The following MAN1A2 variants were observed in gnomAD, a reference collection of about 807,000 sequenced individuals.
MAN1A2 encodes the protein mannosidase alpha class 1A member 2, also known as mannosyl-oligosaccharide 1,2-alpha-mannosidase IB.
In MAN1A2, 26 loss-of-function variants were observed where a neutral mutation model predicts 75.7. That is an observed-to-expected ratio of 0.34 (90% CI 0.25 to 0.48). MAN1A2 has a LOEUF of 0.48. MAN1A2 is among the 20% of genes least tolerant of loss of function. The pLI is 0.99. For missense variants in MAN1A2, 562 were observed against 775.5 expected (o/e 0.72, Z 3.27); for synonymous variants, 247 against 264.6 (o/e 0.93, Z 0.65).
chr1:117,514,714 GGA>G (rs1478099488), intron 12 of MAN1A2: 2 of 440,130 alleles, frequency 4.5e-6, no homozygotes, highest in African/African-American at 4.1e-5. Context: ...AATATATTTT[GGA>G]GAGAGAGAAT....
chr1:117,496,899 G>A lies in MAN1A2; in HGVS notation c.1421G>A (p.Gly474Asp), dbSNP rs752714582. 12 of 1,612,680 alleles carry A rather than the reference G, an allele frequency of 7.4e-6. No individual in the cohort carries two copies. The highest frequency in any genetic ancestry group is 1.0e-5 in the Non-Finnish European group (12 of 1,179,222). The part of the protein sequence containing the change: ...AGGMFALGAD[G>D]SRADKAGHYL... ...GGAATGTTTGCACTAGGAGCAGATGGTTCCAGAGCAGATAAAGCTGGTCAT... is the reference window on the plus strand; with the variant it reads ...GGAATGTTTGCACTAGGAGCAGATGATTCCAGAGCAGATAAAGCTGGTCAT... The change falls in exon 10 of 13, where the codon GGT becomes GAT. Residue 474 changes from glycine to aspartate, a missense_variant. Transcript: ENST00000356554.
In MAN1A2 at chr1:117,377,925, C is replaced by T. The variant is rs902986747; in HGVS notation, c.302+9440C>T. 2.0e-5 allele frequency among the ~76,000 whole-genome samples: 3 copies of T among 152,062 alleles called. 1 individual carries two copies. The highest frequency in any genetic ancestry group is 4.2e-4 in the South Asian group (2 of 4,810). ...ACCATCCTGGCTAACACGCTGAAACCCCATCTCTACTAAAAATACAAAAAA... is the reference window on the plus strand; with the variant it reads ...ACCATCCTGGCTAACACGCTGAAACTCCATCTCTACTAAAAATACAAAAAA... On this transcript the variant is annotated intron_variant, in intron 1 of 12. Transcript: ENST00000356554.
At chr1:117,431,079 A>G (rs1228142555) in intron 5 of MAN1A2, among the ~76,000 whole-genome samples, 1 of 140,438 alleles carries the variant, frequency 7.1e-6, no homozygotes, top group East Asian at 2.2e-4. Context: ...CGTGCCTGCA[A>G]TCGCAGGCAT....
chr1:117,525,168 A>G lies in MAN1A2; in HGVS notation c.*2211A>G, dbSNP rs1459330776. The G allele has an allele frequency of 3.8e-6, 2 of 522,042 alleles. No homozygotes were observed. The highest frequency in any genetic ancestry group is 3.9e-5 in the African/African-American group (2 of 51,784). 32.3% of individuals were successfully genotyped at this position (522,042 alleles called of 1,614,324 possible). A position where few individuals can be genotyped will look rare whatever the true frequency, so the allele number is the denominator to read the frequency against. On this transcript the variant is annotated 3_prime_UTR_variant, in exon 13 of 13. Coordinates refer to ENST00000356554, the MANE Select transcript of MAN1A2 (RefSeq NM_006699.5). ...ATTACCCAGATGACTGAAGCTTAAG[A>G]GAAGGCAGGGAAGTATACAAGCAGA...
intron 8 of MAN1A2, among the ~76,000 whole-genome samples, chr1:117,476,301 G>A (rs377544279): frequency 6.6e-6 from 1 of 152,036 alleles, no homozygotes; most frequent in African/African-American, 2.4e-5. Flanking sequence ...CTCCCATTCT[G>A]TAGGTTGCCT....
chr1:117,434,392 A>G (rs1448267268), intron 5 of MAN1A2, among the ~76,000 whole-genome samples: 1 of 152,242 alleles, frequency 6.6e-6, no homozygotes, highest in Non-Finnish European at 1.5e-5. Context: ...AAATTGTTAG[A>G]ATATAAATTG....
intron 1 of MAN1A2, among the ~76,000 whole-genome samples, chr1:117,389,557 C>T (rs979346228): frequency 3.3e-5 from 5 of 152,062 alleles, no homozygotes; most frequent in Non-Finnish European, 5.9e-5. Context: ...GATCTGTGGC[C>T]TGGGGGTTGG....
chr1:117,508,658 G>A (rs1035668245), intron 12 of MAN1A2, among the ~76,000 whole-genome samples: 8 of 151,606 alleles, frequency 5.3e-5, no homozygotes, highest in African/African-American at 1.7e-4. Flanking sequence ...AATAATAGCT[G>A]AATGGTTAAG....
intron 1 of MAN1A2, among the ~76,000 whole-genome samples, chr1:117,386,190 C>T (rs756207516): frequency 6.6e-6 from 1 of 152,162 alleles, no homozygotes; most frequent in African/African-American, 2.4e-5. Flanking sequence ...AGGAATCCTA[C>T]ATTTTATTAC....
At chr1:117,422,296 G>A (rs963566740) in intron 5 of MAN1A2, among the ~76,000 whole-genome samples, 6 of 151,956 alleles carry the variant, frequency 3.9e-5, no homozygotes, top group Non-Finnish European at 8.8e-5. Flanking sequence ...TAATGCATTT[G>A]AGATTTATCC....
At chr1:117,455,447 T>C in intron 6 of MAN1A2, among the ~76,000 whole-genome samples, 1 of 152,126 alleles carries the variant, frequency 6.6e-6, no homozygotes, top group East Asian at 1.9e-4. Flanking sequence ...TCATAACCCA[T>C]TGAATGGTGT....
intron 5 of MAN1A2, among the ~76,000 whole-genome samples, chr1:117,428,565 T>C (rs912099154): frequency 6.6e-6 from 1 of 150,518 alleles, no homozygotes; most frequent in Non-Finnish European, 1.5e-5. Flanking sequence ...GAATGAAATA[T>C]TCTAAGTCAA....
chr1:117,369,704 G>A (rs1167214118), intron 1 of MAN1A2, among the ~76,000 whole-genome samples: 2 of 151,942 alleles, frequency 1.3e-5, no homozygotes, highest in African/African-American at 4.8e-5. Flanking sequence ...TGCCATTTTC[G>A]ACTACTGTAC....
chr1:117,418,292 A>G (rs1194766634), intron 4 of MAN1A2, among the ~76,000 whole-genome samples: 1 of 152,112 alleles, frequency 6.6e-6, no homozygotes, highest in Non-Finnish European at 1.5e-5. Flanking sequence ...AACAGTAAAC[A>G]AGTTATATAT....
chr1:117,432,889 A>T (rs1011312462), intron 5 of MAN1A2, among the ~76,000 whole-genome samples: 4 of 148,612 alleles, frequency 2.7e-5, no homozygotes, highest in Non-Finnish European at 5.9e-5. Context: ...AAAGATATAT[A>T]TATTATATAT....
chr1:117,428,683 A>G (rs1024671725), intron 5 of MAN1A2, among the ~76,000 whole-genome samples: 4 of 152,136 alleles, frequency 2.6e-5, no homozygotes, highest in African/African-American at 7.2e-5. Flanking sequence ...AAAAAGATAC[A>G]TAGTATATGA....
rs147533601 is a variant in MAN1A2 at position 117,369,185 on chromosome 1, T to C, written c.302+700T>C. Among the ~76,000 whole-genome samples the C allele has an allele frequency of 4.6e-3, 694 of 152,318 alleles. 7 individuals are homozygous for C. Among genetic ancestry groups the C allele is most frequent in the African/African-American group, 0.016 (670 of 41,556 alleles). ...AATTTTGCTCTCTCTTTTAATGTAA[T>C]AGATGGACTGTGTCAAGCAACTATT... is the stretch of plus-strand genomic sequence containing the variant. On this transcript the variant is annotated intron_variant, in intron 1 of 12. Coordinates refer to ENST00000356554, the MANE Select transcript of MAN1A2 (RefSeq NM_006699.5).
chr1:117,492,611 A>T (rs911723424), intron 8 of MAN1A2, among the ~76,000 whole-genome samples: 1 of 152,040 alleles, frequency 6.6e-6, no homozygotes, highest in Non-Finnish European at 1.5e-5. Flanking sequence ...GGAGCAAGTC[A>T]ACAGCTACTT....
At chr1:117,510,312 T>G (rs542764173) in intron 12 of MAN1A2, among the ~76,000 whole-genome samples, 1 of 152,170 alleles carries the variant, frequency 6.6e-6, no homozygotes, top group African/African-American at 2.4e-5. Flanking sequence ...TTCAGAAAAC[T>G]TCTCAGAGAG....
Sources: allele counts gnomAD v4.1 joint callset (sites outside exome capture counted in the v4.1 genomes callset), GRCh38; gene constraint gnomAD v4.1.1; transcripts MANE v1.5; gene names NCBI Gene and HGNC (gene_info 2026-07-23, HGNC 2026-07-21).